The following PRPF8 variants were observed in gnomAD, a reference collection of about 807,000 sequenced individuals.
The protein encoded by PRPF8 is pre-mRNA-processing-splicing factor 8.
A neutral mutation model predicts 285.9 loss-of-function variants in PRPF8; 64 were observed. That is an observed-to-expected ratio of 0.22 (90% CI 0.18 to 0.28). The LOEUF is 0.28. Ranked by LOEUF, PRPF8 falls within the 10% of genes least tolerant of loss-of-function variation. The probability of loss-of-function intolerance (pLI) is 1.00; values close to 1 mark genes in which losing one functional copy is unlikely to be tolerated. For missense variants in PRPF8, 1,426 were observed against 3,026.7 expected (o/e 0.47, Z 12.41); for synonymous variants, 1,325 against 1,118.2 (o/e 1.18, Z -3.69).
chr17:1,656,215 G>A (rs1236597540), intron 36 of PRPF8, among the ~76,000 whole-genome samples, 177 bp downstream of exon 36: 19 of 152,280 alleles, frequency 1.2e-4, no homozygotes, highest in Admixed American at 1.0e-3. Context: ...GAGCCACCAC[G>A]CCCGGCCCCA....
chr17:1,665,658 A>G (rs1374278874), intron 24 of PRPF8, among the ~76,000 whole-genome samples: 4 of 152,114 alleles, frequency 2.6e-5, no homozygotes, highest in African/African-American at 9.6e-5. Context: ...CCTGGCCAAG[A>G]TGGTGAAACC....
chr17:1,660,605 T>C, intron 29 of PRPF8, 27 bp from the exon 30 acceptor site: 1 of 1,614,172 alleles, frequency 6.2e-7, no homozygotes, highest in Non-Finnish European at 8.5e-7. Context: ...AATGTGACAT[T>C]AGAGATCAAG....
chr17:1,673,809 T>G lies in PRPF8; in HGVS notation c.3383A>C (p.Tyr1128Ser). Reference protein sequence around the residue: ...PDPNNENIVGYNNKKCWPRDA... With the variant: ...PDPNNENIVGSNNKKCWPRDA... ...TCGGGGCCAGCACTTCTTGTTATTA[T>G]AGCCAACGATGTTTTCATTATTGGG... Residue 1128 changes from tyrosine (Y) to serine (S), a missense_variant, in exon 22 of 43, where the codon TAT becomes TCT. By Grantham distance (144) the Tyr-to-Ser change is moderately radical (BLOSUM62 -2). Around this residue, in one of 34 missense-constraint regions of PRPF8, gnomAD observed 148 missense variants for 196.2 expected, o/e 0.75. Coordinates refer to ENST00000304992, the MANE Select transcript of PRPF8 (RefSeq NM_006445.4). This position sits in a 1 kb window ranked among gnomAD's most constrained non-coding sequence, Gnocchi z 5.5. 6.2e-7 allele frequency: 1 copy of G among 1,614,122 alleles called. No individual in the cohort carries two copies. Among genetic ancestry groups the G allele is most frequent in the Non-Finnish European group, 8.5e-7 (1 of 1,180,024 alleles).
chr17:1,667,152 A>G (rs1365051674), intron 24 of PRPF8, among the ~76,000 whole-genome samples: 1 of 150,350 alleles, frequency 6.7e-6, no homozygotes, highest in Non-Finnish European at 1.5e-5. Context: ...CAGCCTGGGC[A>G]ATAGAGCAAG....
Position 1,684,844 on chromosome 17 carries a change from T to C in PRPF8, c.-76A>G, listed in dbSNP as rs765014520. The C allele has an allele frequency of 1.8e-5, 11 of 595,320 alleles. No homozygotes were observed. Among genetic ancestry groups the C allele is most frequent in the Non-Finnish European group, 3.0e-5 (10 of 333,768 alleles). The allele number at this position is 595,320 out of a possible 1,614,324, so 36.9% of individuals were successfully genotyped here. ...GCAATGGCGGCCAGACTGCGTCCGC[T>C]CCGCGTTCCCAGCGCCGGGAAGTGC... is the stretch of plus-strand genomic sequence containing the variant. On this transcript the variant is annotated 5_prime_UTR_variant, in exon 1 of 43. Transcript: ENST00000304992.
At position 1,653,382 on chromosome 17, in the gene PRPF8, T is replaced by A. The variant is rs1364164832; in HGVS notation, c.6369+160A>T. ...AGCTGCCACAGCTTTTGCTATCTCA[T>A]GGGGCCAAAACCCACCTCGTTGTTT... is the stretch of plus-strand genomic sequence containing the variant. On this transcript the variant is annotated intron_variant, in intron 39 of 42. Coordinates refer to ENST00000304992, the MANE Select transcript of PRPF8 (RefSeq NM_006445.4). This position sits in a 1 kb window ranked among gnomAD's most constrained non-coding sequence, Gnocchi z 4.9. 1.1e-6 allele frequency: 1 copy of A among 944,272 alleles called. No homozygotes were observed. Among genetic ancestry groups the A allele is most frequent in the Non-Finnish European group, 1.7e-6 (1 of 603,598 alleles). 58.5% of individuals were successfully genotyped at this position (944,272 alleles called of 1,614,324 possible). A position where few individuals can be genotyped will look rare whatever the true frequency, so the allele number is the denominator to read the frequency against.
intron 36 of PRPF8, 60 bp from the exon 37 acceptor site, chr17:1,655,603 C>A (rs1911328821): frequency 5.6e-6 from 8 of 1,438,122 alleles, no homozygotes; most frequent in Non-Finnish European, 4.9e-6. Context: ...CCACTTTAAT[C>A]CTAACCTTTC....
At chr17:1,665,994 G>A (rs1597236769) in intron 24 of PRPF8, among the ~76,000 whole-genome samples, 1 of 3,424 alleles carries the variant, frequency 2.9e-4, no homozygotes, top group African/African-American at 0.01. Flanking sequence ...AAACCGCGTC[G>A]TAGTAAAAAT....
chr17:1,680,471 G>C (rs1413131746), intron 8 of PRPF8: 2 of 575,358 alleles, frequency 3.5e-6, no homozygotes, highest in East Asian at 3.0e-5. Flanking sequence ...ACACAATAGA[G>C]ACAGACCGGG....
rs373782335 is a variant in PRPF8, at chr17:1,656,201, G to A, written c.5793+191C>T. Among the ~76,000 whole-genome samples the A allele has an allele frequency of 2.9e-3, 446 of 152,318 alleles. 5 individuals carry two copies. The highest frequency in any genetic ancestry group is 0.01 in the African/African-American group (426 of 41,568). Reference sequence around the variant, plus strand: ...GCCTCCCAAAGTGCTGGGATTACGGGCGTGAGCCACCACGCCCGGCCCCAA... The same window carrying A: ...GCCTCCCAAAGTGCTGGGATTACGGACGTGAGCCACCACGCCCGGCCCCAA... On this transcript the variant is annotated intron_variant, in intron 36 of 42. Coordinates refer to ENST00000304992, the MANE Select transcript of PRPF8 (RefSeq NM_006445.4).
At chr17:1,667,701 G>C (rs994931736) in intron 24 of PRPF8, among the ~76,000 whole-genome samples, 3 of 151,988 alleles carry the variant, frequency 2.0e-5, no homozygotes, top group Admixed American at 6.6e-5. Flanking sequence ...GTGCCACCAC[G>C]CCTGGCTAAT....
intron 24 of PRPF8, 46 bp from the exon 25 acceptor site, chr17:1,662,199 G>A (rs756156354): frequency 5.6e-5 from 90 of 1,610,342 alleles, no homozygotes; most frequent in Admixed American, 6.7e-5. Context: ...AGCCAGGGGC[G>A]GGGAGGGTGG....
Position 1,675,154 on chromosome 17 carries a change from TA to T in PRPF8, c.3057del (p.Tyr1019Ter). On this transcript the variant is annotated frameshift_variant, in exon 20 of 43. Transcript: ENST00000304992. LOFTEE classifies it high-confidence loss of function. The surrounding 1 kb of genome is among the most constrained non-coding windows in gnomAD (Gnocchi z 6.0). ...MTAKNNVVIN[Y>X]KDMNHTNSYG... is the part of the protein sequence containing the mutation. ...ATGCTACTGCGCCTGAGACGCACCT[TA>T]TAGTTGATGACGACGTTGTTCTTGG... 1 of 1,613,526 alleles carries T rather than the reference TA, an allele frequency of 6.2e-7. No individual in the cohort carries two copies. Among genetic ancestry groups the T allele is most frequent in the Non-Finnish European group, 8.5e-7 (1 of 1,180,028 alleles).
chr17:1,674,362 C>A, intron 21 of PRPF8, 80 bp downstream of exon 21: 1 of 1,407,452 alleles, frequency 7.1e-7, no homozygotes, highest in Non-Finnish European at 1.0e-6. Context: ...GTTAAGTCAA[C>A]TCAGGTACAA....
At position 1,684,823 on chromosome 17, in the gene PRPF8, T is replaced by C. The variant is rs542802793; in HGVS notation, c.-55A>G. ...AGAGGCCGCTTTCCCCGCAGCGCAA[T>C]GGCGGCCAGACTGCGTCCGCTCCGC... On this transcript the variant is annotated 5_prime_UTR_variant, in exon 1 of 43. Transcript: ENST00000304992. 14 of 597,472 alleles carry C rather than the reference T, an allele frequency of 2.3e-5. No individual in the cohort carries two copies. Among genetic ancestry groups the C allele is most frequent in the African/African-American group, 7.4e-5 (4 of 53,732 alleles). 37.0% of individuals were successfully genotyped at this position (597,472 alleles called of 1,614,324 possible).
chr17:1,658,410 GC>G lies in PRPF8; in HGVS notation c.5377-30del. The G allele has an allele frequency of 1.2e-6, 2 of 1,614,110 alleles. No individual in the cohort carries two copies. Among genetic ancestry groups the G allele is most frequent in the Non-Finnish European group, 1.7e-6 (2 of 1,180,026 alleles). The stretch of plus-strand genomic sequence containing the variant: ...GAGGAGGACGGCATTCGTTAGCATG[GC>G]CTACACAACACATCCCCATCCTGCC... On this transcript the variant is annotated intron_variant, in intron 33 of 42. Coordinates refer to ENST00000304992, the MANE Select transcript of PRPF8 (RefSeq NM_006445.4). This position sits in a 1 kb window ranked among gnomAD's most constrained non-coding sequence, Gnocchi z 4.1.
At chr17:1,668,657 C>G (rs756228007) in intron 24 of PRPF8, among the ~76,000 whole-genome samples, 1 of 151,968 alleles carries the variant, frequency 6.6e-6, no homozygotes, top group South Asian at 2.1e-4. Context: ...CCACCGCGGC[C>G]GGCTGGGTCC....
At chr17:1,660,156 C>T (rs1287835163) in intron 30 of PRPF8, among the ~76,000 whole-genome samples, 155 bp from the exon 31 acceptor site, 2 of 152,182 alleles carry the variant, frequency 1.3e-5, no homozygotes, top group African/African-American at 4.8e-5. Flanking sequence ...TGACTCTGTA[C>T]AGCACGCTCT....
intron 2 of PRPF8, among the ~76,000 whole-genome samples, 182 bp from the exon 3 acceptor site, chr17:1,683,883 T>C (rs189009693): frequency 6.6e-6 from 1 of 150,936 alleles, no homozygotes; most frequent in East Asian, 1.9e-4. Context: ...TTGATCACTA[T>C]CTGACTTTTT....
Sources: gnomAD v4.1 joint callset for allele counts (sites outside exome capture counted in the v4.1 genomes callset) on GRCh38, gnomAD v4.1.1 for gene constraint, gnomAD v4.1.1 regional missense constraint, Gnocchi (gnomAD v3.1) non-coding constraint, MANE v1.5 for transcripts, NCBI Gene and HGNC (gene_info 2026-07-23, HGNC 2026-07-21) for gene names.